Variants in TENM2 observed in about 807,000 individuals in gnomAD.
TENM2 encodes teneurin transmembrane protein 2, also known as teneurin-2.
TENM2 carries 52 observed loss-of-function variants against 245.2 expected under a neutral mutation model. The ratio of observed to expected loss-of-function variants is 0.21; its 90% CI spans 0.17 to 0.27. The LOEUF is 0.27. TENM2 is among the 10% of genes least tolerant of loss of function. TENM2 has a pLI of 1.00. For missense variants in TENM2, 3,046 were observed against 3,666.8 expected, an observed-to-expected ratio of 0.83 and a Z score of 4.37; for synonymous variants, 1,363 against 1,438.9, an observed-to-expected ratio of 0.95 and a Z score of 1.19.
intron 2 of TENM2, among the ~76,000 whole-genome samples, chr5:167,716,008 GGA>G (rs1759231345): frequency 6.6e-6 from 1 of 152,212 alleles, no homozygotes; most frequent in Admixed American, 6.5e-5. Context: ...TGAAAGTGGT[GGA>G]GTTTGGAGTG....
the TENM2 span, among the ~76,000 whole-genome samples, chr5:167,200,303 A>C: frequency 6.6e-6 from 1 of 151,998 alleles, no homozygotes; most frequent in Non-Finnish European, 1.5e-5. Flanking sequence ...TTTTCCCAGC[A>C]TGAGGGACCA....
At chr5:167,523,571 C>T (rs891952) in intron 2 of TENM2, among the ~76,000 whole-genome samples, 63,066 of 151,754 alleles carry the variant, frequency 0.42, 14,877 homozygotes, top group South Asian at 0.53. Context: ...ATTTGGTGTT[C>T]GCTCATTGAA....
chr5:167,269,458 C>T, the TENM2 span, among the ~76,000 whole-genome samples: 1 of 151,944 alleles, frequency 6.6e-6, no homozygotes, highest in Admixed American at 6.6e-5. Flanking sequence ...TAGTTCTTGT[C>T]TCATGTCATC....
intron 3 of TENM2, among the ~76,000 whole-genome samples, chr5:167,945,324 G>GGT (rs201062242): frequency 6.6e-6 from 1 of 152,062 alleles, no homozygotes; most frequent in Non-Finnish European, 1.5e-5. Flanking sequence ...AAGCACCCGG[G>GGT]GGGGGCACAG....
chr5:168,212,710 A>T (rs533196756), intron 20 of TENM2, among the ~76,000 whole-genome samples: 1 of 152,198 alleles, frequency 6.6e-6, no homozygotes, highest in Non-Finnish European at 1.5e-5. Context: ...TAGGCACCCC[A>T]TTTGAGCCAA....
the TENM2 span, among the ~76,000 whole-genome samples, chr5:167,132,784 A>G: frequency 6.6e-6 from 1 of 152,230 alleles, no homozygotes; most frequent in African/African-American, 2.4e-5. Context: ...AACAGAATAT[A>G]AAGTTCACAT....
At chr5:167,666,152 G>T (rs934996141) in intron 2 of TENM2, among the ~76,000 whole-genome samples, 2 of 152,204 alleles carry the variant, frequency 1.3e-5, no homozygotes, top group Non-Finnish European at 2.9e-5. Flanking sequence ...AGGGTGACTT[G>T]TACCAACTGG....
At chr5:167,866,896 T>G (rs866369182) in intron 2 of TENM2, among the ~76,000 whole-genome samples, 7 of 152,300 alleles carry the variant, frequency 4.6e-5, no homozygotes, top group Middle Eastern at 3.4e-3. Context: ...AAAATTCAGT[T>G]TTTCAGTTGT....
chr5:168,121,301 A>C (rs950673326), intron 10 of TENM2, among the ~76,000 whole-genome samples: 1 of 152,190 alleles, frequency 6.6e-6, no homozygotes, highest in South Asian at 2.1e-4. Context: ...CACTGTTTCT[A>C]TTTATAAAGC....
intron 13 of TENM2, among the ~76,000 whole-genome samples, chr5:168,170,515 A>G (rs1758712423): frequency 6.6e-6 from 1 of 152,074 alleles, no homozygotes; most frequent in Admixed American, 6.5e-5. Flanking sequence ...TCAAAAAGAG[A>G]GAGAGAGAGA....
At chr5:167,625,778 C>T (rs1778461963) in intron 2 of TENM2, among the ~76,000 whole-genome samples, 1 of 152,156 alleles carries the variant, frequency 6.6e-6, no homozygotes, top group Non-Finnish European at 1.5e-5. Context: ...AAGACATCTG[C>T]CCCAGCTGAG....
intron 2 of TENM2, among the ~76,000 whole-genome samples, chr5:167,741,960 A>G (rs997221480): frequency 6.6e-6 from 1 of 152,192 alleles, no homozygotes; most frequent in African/African-American, 2.4e-5. Context: ...TGCAGGAACA[A>G]TGAGTACACA....
chr5:168,169,515 C>G lies in TENM2; in HGVS notation c.2569+6758C>G, dbSNP rs189112393. On this transcript the variant is annotated intron_variant, in intron 13 of 28. Transcript: ENST00000518659. ...TCCAAAGCACTTGGAACAGACAAAA[C>G]TCACCCCTCGCCCACTGCCTCCTCC... 1.8e-4 allele frequency among the ~76,000 whole-genome samples: 27 copies of G among 152,350 alleles called. 1 individual carries two copies. The South Asian group carries it at 2.1e-3, about 12-fold the overall frequency.
At chr5:167,571,123 C>G (rs549357702) in intron 2 of TENM2, among the ~76,000 whole-genome samples, 2 of 152,228 alleles carry the variant, frequency 1.3e-5, no homozygotes, top group African/African-American at 4.8e-5. Context: ...TTTTAAAAAG[C>G]TGTTGAGTGG....
the TENM2 span, among the ~76,000 whole-genome samples, chr5:167,239,379 G>T: frequency 6.6e-5 from 10 of 152,240 alleles, no homozygotes; most frequent in Middle Eastern, 3.4e-3. Flanking sequence ...TTTCTCTGGG[G>T]CTGTTCTTTC....
intron 4 of TENM2, among the ~76,000 whole-genome samples, chr5:167,972,554 T>C (rs985611627): frequency 4.6e-5 from 7 of 152,224 alleles, no homozygotes; most frequent in African/African-American, 1.7e-4. Flanking sequence ...TGCATACTTA[T>C]ATAATTATAT....
At chr5:167,797,576 T>C (rs1052884376) in intron 2 of TENM2, among the ~76,000 whole-genome samples, 7 of 152,208 alleles carry the variant, frequency 4.6e-5, no homozygotes, top group Non-Finnish European at 7.3e-5. Context: ...TGTATTTCTT[T>C]CGCAATGTGT....
At chr5:167,388,513 G>C (rs979468636) in intron 2 of TENM2, among the ~76,000 whole-genome samples, 2 of 151,118 alleles carry the variant, frequency 1.3e-5, no homozygotes, top group African/African-American at 4.9e-5. Flanking sequence ...TAATTCTTCT[G>C]TGATCTTGGG....
At chr5:167,815,524 G>A (rs1201028755) in intron 2 of TENM2, among the ~76,000 whole-genome samples, 1 of 152,146 alleles carries the variant, frequency 6.6e-6, no homozygotes, top group Admixed American at 6.6e-5. Flanking sequence ...CTGACCAAGA[G>A]GTTGGATTTC....
Sources: gnomAD v4.1 joint callset for allele counts (sites outside exome capture counted in the v4.1 genomes callset) on GRCh38, gnomAD v4.1.1 for gene constraint, MANE v1.5 for transcripts, NCBI Gene and HGNC (gene_info 2026-07-23, HGNC 2026-07-21) for gene names.